SMOC1: variants seen among roughly 807,000 people sequenced by gnomAD.
SMOC1 encodes SPARC related modular calcium binding 1.
SMOC1 carries 22 observed loss-of-function variants against 56.3 expected under a neutral mutation model. The ratio of observed to expected loss-of-function variants is 0.39; its 90% CI spans 0.28 to 0.56. The LOEUF is 0.56. Ranked by LOEUF, SMOC1 falls within the 20% of genes least tolerant of loss-of-function variation. The pLI is 0.61. For missense variants in SMOC1, 509 were observed against 565.4 expected (o/e 0.90, Z 1.01); for synonymous variants, 193 against 215.0 (o/e 0.90, Z 0.89).
intron 1 of SMOC1, among the ~76,000 whole-genome samples, chr14:69,918,978 T>TTTTG (rs957812798): frequency 1.4e-4 from 21 of 152,178 alleles, no homozygotes; most frequent in South Asian, 4.1e-4. Flanking sequence ...TCGTGGGTTT[T>TTTTG]TTTGTTTGTT....
At chr14:69,883,113 C>G (rs1239503925) in intron 1 of SMOC1, among the ~76,000 whole-genome samples, 1 of 152,192 alleles carries the variant, frequency 6.6e-6, no homozygotes, top group African/African-American at 2.4e-5. Flanking sequence ...GATAGCATTA[C>G]CTCGCATAAT....
chr14:70,014,163 A>G (rs1195460753), intron 10 of SMOC1, among the ~76,000 whole-genome samples: 5 of 152,204 alleles, frequency 3.3e-5, no homozygotes, highest in Non-Finnish European at 5.9e-5. Flanking sequence ...CACAGCAAAC[A>G]CTGGGCTAAG....
chr14:69,987,650 GAA>G (rs1055354504), intron 5 of SMOC1, among the ~76,000 whole-genome samples: 2 of 152,160 alleles, frequency 1.3e-5, no homozygotes, highest in African/African-American at 2.4e-5. Context: ...TTGTTATTCT[GAA>G]AAGTCTTTCC....
At chr14:69,895,007 T>C (rs1884057241) in intron 1 of SMOC1, among the ~76,000 whole-genome samples, 1 of 152,234 alleles carries the variant, frequency 6.6e-6, no homozygotes, top group Non-Finnish European at 1.5e-5. Flanking sequence ...CTTCTAGATA[T>C]GTCCCTTTAT....
chr14:70,010,305 G>T (rs17107610), intron 7 of SMOC1, among the ~76,000 whole-genome samples: 75,240 of 151,978 alleles, frequency 0.5, 18,904 homozygotes, highest in Admixed American at 0.54. Context: ...GTGTCTGGGC[G>T]TGGAAGGGTC....
intron 1 of SMOC1, among the ~76,000 whole-genome samples, chr14:69,949,580 C>T (rs1447975216): frequency 1.3e-5 from 2 of 152,234 alleles, no homozygotes; most frequent in Non-Finnish European, 2.9e-5. Flanking sequence ...AGATTGTCCT[C>T]ACCTGGGAGA....
intron 1 of SMOC1, among the ~76,000 whole-genome samples, chr14:69,947,778 T>C (rs934523656): frequency 2.0e-5 from 3 of 152,226 alleles, no homozygotes; most frequent in African/African-American, 7.2e-5. Context: ...GATTTCCCAG[T>C]TGCACTAGCT....
chr14:69,879,563 G>T lies in SMOC1; in HGVS notation c.-116G>T. 2 of 774,958 alleles carry T rather than the reference G, an allele frequency of 2.6e-6. No homozygotes were observed. Among genetic ancestry groups the T allele is most frequent in the South Asian group, 3.0e-5 (1 of 33,520 alleles). The allele number at this position is 774,958 out of a possible 1,614,324, so 48.0% of individuals were successfully genotyped here. A position where few individuals can be genotyped will look rare whatever the true frequency, so the allele number is the denominator to read the frequency against. On this transcript the variant is annotated 5_prime_UTR_variant, in exon 1 of 12. Coordinates refer to ENST00000361956, the MANE Select transcript of SMOC1 (RefSeq NM_001034852.3). ...CTGCGAGCCCCCGCCGCAGGACCAC[G>T]GCCCGCTCCCCGCCGCCGCGAGGGC... is the stretch of plus-strand genomic sequence containing the variant.
chr14:69,973,171 C>A (rs1159705031), intron 3 of SMOC1, among the ~76,000 whole-genome samples: 2 of 152,214 alleles, frequency 1.3e-5, no homozygotes, highest in African/African-American at 4.8e-5. Flanking sequence ...GGATCAACTC[C>A]ACATTTCCAG....
At chr14:69,978,585 G>A (rs1213056780) in intron 5 of SMOC1, among the ~76,000 whole-genome samples, 1 of 152,146 alleles carries the variant, frequency 6.6e-6, no homozygotes, top group Non-Finnish European at 1.5e-5. Context: ...TTAGCACAAA[G>A]CTTTTGTGAG....
At chr14:69,926,040 A>G (rs1320974804) in intron 1 of SMOC1, among the ~76,000 whole-genome samples, 1 of 117,380 alleles carries the variant, frequency 8.5e-6, no homozygotes, top group East Asian at 5.0e-4. Flanking sequence ...GGTTAATATC[A>G]GAAGCCATTT....
chr14:69,989,205 G>T (rs989674567), intron 5 of SMOC1, among the ~76,000 whole-genome samples: 42 of 152,084 alleles, frequency 2.8e-4, no homozygotes, highest in African/African-American at 9.4e-4. Flanking sequence ...ACTTAATATT[G>T]TCTATCTTTT....
rs59207043 is a variant in SMOC1, at chr14:69,981,625, A to G, written c.526+3660A>G. Among the ~76,000 whole-genome samples, 707 of 152,292 alleles carry G rather than the reference A, an allele frequency of 4.6e-3. 8 individuals carry two copies. Among genetic ancestry groups the G allele is most frequent in the African/African-American group, 0.016 (672 of 41,558 alleles). ...AGAAGAGAGGAAGAGGGCCCCAAACAGCCCCTTTAGCTCTGAAAATGCACT... is the reference window on the plus strand; with the variant it reads ...AGAAGAGAGGAAGAGGGCCCCAAACGGCCCCTTTAGCTCTGAAAATGCACT... On this transcript the variant is annotated intron_variant, in intron 5 of 11. Transcript: ENST00000361956.
At chr14:69,990,087 A>T (rs227424) in intron 5 of SMOC1, among the ~76,000 whole-genome samples, 9 of 152,160 alleles carry the variant, frequency 5.9e-5, no homozygotes, top group East Asian at 5.8e-4. Flanking sequence ...CTTCCCTGCA[A>T]GTGGCTTTAT....
chr14:70,018,981 A>G (rs1205708655), intron 10 of SMOC1, among the ~76,000 whole-genome samples: 7 of 152,226 alleles, frequency 4.6e-5, no homozygotes, highest in African/African-American at 7.2e-5. Flanking sequence ...TACCTTCTCT[A>G]AAACTGCTTA....
At chr14:69,884,174 G>A (rs1673510199) in intron 1 of SMOC1, among the ~76,000 whole-genome samples, 1 of 152,054 alleles carries the variant, frequency 6.6e-6, no homozygotes, top group Admixed American at 6.5e-5. Context: ...CCAAAGTGTT[G>A]GGACTACAGG....
chr14:70,024,374 C>T (rs1015458339), intron 11 of SMOC1, among the ~76,000 whole-genome samples: 1 of 152,126 alleles, frequency 6.6e-6, no homozygotes, highest in African/African-American at 2.4e-5. Context: ...TCAATCTAGT[C>T]TGTGGCCTGT....
At chr14:69,983,494 G>C (rs1884254116) in intron 5 of SMOC1, among the ~76,000 whole-genome samples, 1 of 152,188 alleles carries the variant, frequency 6.6e-6, no homozygotes, top group Admixed American at 6.5e-5. Context: ...AAAACCTCCA[G>C]CGGAGCAGCA....
intron 1 of SMOC1, chr14:69,885,675 C>T: frequency 6.9e-7 from 1 of 1,450,076 alleles, no homozygotes; most frequent in East Asian, 2.3e-5. Context: ...TGTGAAATCA[C>T]CACCAGCTGA....
Sources: gnomAD v4.1 joint callset for allele counts (sites outside exome capture counted in the v4.1 genomes callset) on GRCh38, gnomAD v4.1.1 for gene constraint, MANE v1.5 for transcripts, NCBI Gene and HGNC (gene_info 2026-07-23, HGNC 2026-07-21) for gene names.